GOLGA4: variants seen among roughly 807,000 people sequenced by gnomAD.
The protein encoded by GOLGA4 is golgin subfamily A member 4.
GOLGA4 carries 169 observed loss-of-function variants against 265.9 expected under a neutral mutation model. The observed-to-expected ratio is 0.64, with a 90% CI of 0.56 to 0.72. GOLGA4 has a LOEUF of 0.72. Among genes scored for constraint, GOLGA4 ranks in the 30% least tolerant of loss-of-function variants. GOLGA4 has a pLI of 0.00. For missense variants in GOLGA4, 2,482 were observed against 2,483.4 expected, an observed-to-expected ratio of 1.00 and a Z score of 0.01; for synonymous variants, 923 against 855.8, an observed-to-expected ratio of 1.08 and a Z score of -1.37.
At chr3:37,303,432 T>G (rs1187721858) in intron 10 of GOLGA4, among the ~76,000 whole-genome samples, 1 of 152,144 alleles carries the variant, frequency 6.6e-6, no homozygotes, top group African/African-American at 2.4e-5. Flanking sequence ...AGAAGAAAAG[T>G]AAGGACTCTA....
intron 2 of GOLGA4, among the ~76,000 whole-genome samples, chr3:37,277,116 T>G (rs2096821526): frequency 6.6e-6 from 1 of 152,170 alleles, no homozygotes; most frequent in Non-Finnish European, 1.5e-5. Context: ...TTGAGGTAGC[T>G]TATGAATTTG....
intron 10 of GOLGA4, among the ~76,000 whole-genome samples, chr3:37,304,228 T>C (rs2096900503): frequency 6.6e-6 from 1 of 152,178 alleles, no homozygotes; most frequent in South Asian, 2.1e-4. Flanking sequence ...ATTTGGAGGA[T>C]GCAGTTTTGA....
At chr3:37,343,496 G>A (rs190264723) in intron 20 of GOLGA4, among the ~76,000 whole-genome samples, 40 of 152,208 alleles carry the variant, frequency 2.6e-4, no homozygotes, top group South Asian at 2.1e-4. Flanking sequence ...GATTACAGAC[G>A]TTAGCTGCTG....
chr3:37,325,746 C>T lies in GOLGA4; in HGVS notation c.3860C>T (p.Thr1287Ile), dbSNP rs948753652. ...AGACAGTTGACAGAGGAGCAAAATA[C>T]ACTAAATATTTCTTTTCAACAGGCT... ...QLRQLTEEQN[T>I]LNISFQQATH... The change falls in exon 14 of 24, where the codon ACA (threonine) becomes ATA (isoleucine). Residue 1287 changes from threonine (T) to isoleucine (I), a missense_variant. Physicochemically the swap from Thr to Ile is moderately conservative, Grantham distance 89. Coordinates refer to ENST00000361924, the MANE Select transcript of GOLGA4 (RefSeq NM_002078.5). 1 of 1,613,542 alleles carries T rather than the reference C, an allele frequency of 6.2e-7. No homozygotes were observed. Among genetic ancestry groups the T allele is most frequent in the South Asian group, 1.1e-5 (1 of 91,066 alleles).
chr3:37,359,064 C>T (rs994410890), intron 22 of GOLGA4, among the ~76,000 whole-genome samples: 45 of 152,284 alleles, frequency 3.0e-4, no homozygotes, highest in African/African-American at 1.0e-3. Context: ...GAAGTTAAAA[C>T]AAAATGCACA....
At chr3:37,301,013 T>C (rs1257304660) in intron 9 of GOLGA4, among the ~76,000 whole-genome samples, 1 of 152,254 alleles carries the variant, frequency 6.6e-6, no homozygotes, top group Non-Finnish European at 1.5e-5. Flanking sequence ...TGAGATTTCA[T>C]ATAGCAGTGC....
Position 37,325,598 on chromosome 3 carries a change from A to G in GOLGA4, c.3712A>G (p.Ile1238Val), listed in dbSNP as rs1363958976. The change falls in exon 14 of 24, where the codon ATT (isoleucine) becomes GTT (valine). Residue 1238 changes from isoleucine (I) to valine (V), a missense_variant. Transcript: ENST00000361924. ...LEAKTNELIN[I>V]SSSKTNAILS... ...AGCTAAAACAAATGAGCTAATCAAC[A>G]TTAGTAGTAGTAAAACTAATGCCAT... is the stretch of plus-strand genomic sequence containing the variant. 4.3e-6 allele frequency: 7 copies of G among 1,613,242 alleles called. No individual in the cohort carries two copies. The highest frequency in any genetic ancestry group is 1.1e-5 in the South Asian group (1 of 91,060).
At chr3:37,254,366 T>C (rs2096742417) in intron 2 of GOLGA4, among the ~76,000 whole-genome samples, 1 of 152,222 alleles carries the variant, frequency 6.6e-6, no homozygotes, top group South Asian at 2.1e-4. Flanking sequence ...ATATAGTGTA[T>C]ATGACATGAA....
chr3:37,339,679 GTCT>G (rs1168133711), intron 19 of GOLGA4, among the ~76,000 whole-genome samples: 3 of 152,278 alleles, frequency 2.0e-5, no homozygotes, highest in Non-Finnish European at 4.4e-5. Flanking sequence ...CCATTTATAT[GTCT>G]TCTTTAGAGC....
At position 37,336,288 on chromosome 3, in the gene GOLGA4, T is replaced by A. The variant is rs372708667; in HGVS notation, c.6307-855T>A. On this transcript the variant is annotated intron_variant, in intron 17 of 23. Coordinates refer to ENST00000361924, the MANE Select transcript of GOLGA4 (RefSeq NM_002078.5). ...ATTCCAGGTGCTATTATATATTACTTCTTTTGAGAAAATACATGTATTTAA... is the reference window on the plus strand; with the variant it reads ...ATTCCAGGTGCTATTATATATTACTACTTTTGAGAAAATACATGTATTTAA... Among the ~76,000 whole-genome samples, 99 of 152,298 alleles carry A rather than the reference T, an allele frequency of 6.5e-4. No individual in the cohort carries two copies. The Middle Eastern group carries it at 0.02, about 31-fold the overall frequency.
intron 2 of GOLGA4, among the ~76,000 whole-genome samples, chr3:37,253,518 T>A (rs1331877423): frequency 6.6e-6 from 1 of 152,088 alleles, no homozygotes; most frequent in Admixed American, 6.6e-5. Context: ...GATGAAGTGA[T>A]GACAATGCTT....
At chr3:37,319,784 T>A (rs113511514) in intron 12 of GOLGA4, 5 of 152,308 alleles carry the variant, frequency 3.3e-5, no homozygotes, top group African/African-American at 1.2e-4. Flanking sequence ...TTCTCTTTCA[T>A]TGTTGATGTT....
intron 22 of GOLGA4, among the ~76,000 whole-genome samples, chr3:37,357,258 T>C (rs1299081991): frequency 6.6e-6 from 1 of 152,186 alleles, no homozygotes; most frequent in South Asian, 2.1e-4. Flanking sequence ...ACTTTTCTAC[T>C]ATTCCTTTAA....
In GOLGA4 at chr3:37,324,628, A is replaced by G; in HGVS notation, c.2742A>G (p.Leu914=). 1.2e-6 allele frequency: 2 copies of G among 1,613,142 alleles called. No individual in the cohort carries two copies. The highest frequency in any genetic ancestry group is 1.7e-6 in the Non-Finnish European group (2 of 1,179,426). ...TGGTGGAAAAGGAAAATATGATTTT[A>G]CAAATGAGAGAAGGACAGAAGAAAG... ...QILVEKENMI[L]QMREGQKKEI... The change falls in exon 14 of 24, where the codon TTA becomes TTG. Residue 914 remains leucine (L), a synonymous_variant. Coordinates refer to ENST00000361924, the MANE Select transcript of GOLGA4 (RefSeq NM_002078.5).
intron 1 of GOLGA4, among the ~76,000 whole-genome samples, chr3:37,244,732 T>A (rs1245759022): frequency 1.3e-5 from 2 of 152,246 alleles, no homozygotes; most frequent in Admixed American, 6.5e-5. Flanking sequence ...AGCTCATGTG[T>A]AGTAAAACAG....
intron 22 of GOLGA4, among the ~76,000 whole-genome samples, chr3:37,359,604 T>C (rs771873625): frequency 5.3e-5 from 8 of 152,152 alleles, no homozygotes; most frequent in Non-Finnish European, 8.8e-5. Context: ...TTCTGTTGAC[T>C]CTCCTTCAAC....
At chr3:37,291,599 A>G (rs1578534054) in intron 5 of GOLGA4, among the ~76,000 whole-genome samples, 1 of 152,222 alleles carries the variant, frequency 6.6e-6, no homozygotes, top group Non-Finnish European at 1.5e-5. Flanking sequence ...GCTGAAAAGC[A>G]TGCCTTGTCA....
rs371358582 is a variant in GOLGA4 at position 37,340,143 on chromosome 3, G to T, written c.6416G>T (p.Arg2139Leu). The change falls in exon 20 of 24, where the codon CGT (arginine) becomes CTT (leucine). Residue 2139 changes from arginine to leucine, a missense_variant. Transcript: ENST00000361924. The part of the protein sequence containing the change: ...FREQIHNLED[R>L]LKKYEKNVYA... Reference sequence around the variant, plus strand: ...TTTTAGATTCACAATTTAGAAGACCGTTTGAAGAAATATGAAAAGAATGTA... The same window carrying T: ...TTTTAGATTCACAATTTAGAAGACCTTTTGAAGAAATATGAAAAGAATGTA... 1.5e-6 allele frequency: 2 copies of T among 1,376,106 alleles called. No individual in the cohort carries two copies. Among genetic ancestry groups the T allele is most frequent in the Non-Finnish European group, 2.0e-6 (2 of 975,988 alleles). 85.2% of individuals were successfully genotyped at this position (1,376,106 alleles called of 1,614,324 possible).
chr3:37,337,494 A>C (rs928709925), intron 18 of GOLGA4, among the ~76,000 whole-genome samples, 172 bp from the exon 19 acceptor site: 1 of 152,176 alleles, frequency 6.6e-6, no homozygotes, highest in Non-Finnish European at 1.5e-5. Flanking sequence ...TACAGGCCCC[A>C]GCCAAGACTA....
Sources: gnomAD v4.1 joint callset for allele counts (sites outside exome capture counted in the v4.1 genomes callset) on GRCh38, gnomAD v4.1.1 for gene constraint, MANE v1.5 for transcripts, NCBI Gene and HGNC (gene_info 2026-07-23, HGNC 2026-07-21) for gene names.